MBTD1: variants seen among roughly 807,000 people sequenced by gnomAD.
The protein encoded by MBTD1 is mbt domain containing 1, also known as MBT domain-containing protein 1.
Under a neutral mutation model 87.8 loss-of-function variants are expected in MBTD1, and 24 were observed. The observed-to-expected ratio is 0.27, with a 90% CI of 0.20 to 0.38. The LOEUF (loss-of-function observed/expected upper bound fraction) is 0.38, where lower values mean the gene tolerates loss of function less well. Ranked by LOEUF, MBTD1 falls within the 10% of genes least tolerant of loss-of-function variation. MBTD1 has a pLI of 1.00. For missense variants in MBTD1, 436 were observed against 760.2 expected, an observed-to-expected ratio of 0.57 and a Z score of 5.02; for synonymous variants, 237 against 248.6, an observed-to-expected ratio of 0.95 and a Z score of 0.44.
intron 16 of MBTD1, among the ~76,000 whole-genome samples, chr17:51,190,461 G>A (rs2050740077): frequency 1.3e-5 from 2 of 151,866 alleles, no homozygotes; most frequent in South Asian, 4.2e-4. Context: ...GATCACACCT[G>A]TAATCCCAGC....
chr17:51,247,539 C>CT (rs1347194378), intron 2 of MBTD1, among the ~76,000 whole-genome samples: 3 of 151,632 alleles, frequency 2.0e-5, no homozygotes, highest in Non-Finnish European at 4.4e-5. Flanking sequence ...CTCAACACCC[C>CT]TTGGGCTCAA....
intron 16 of MBTD1, among the ~76,000 whole-genome samples, chr17:51,187,365 G>A (rs1330448015): frequency 6.7e-6 from 1 of 148,310 alleles, no homozygotes; most frequent in Non-Finnish European, 1.5e-5. Context: ...TTGCACCACA[G>A]TGCTCCAGGC....
chr17:51,223,883 T>C (rs1013219351), intron 3 of MBTD1, among the ~76,000 whole-genome samples: 1 of 152,146 alleles, frequency 6.6e-6, no homozygotes, highest in African/African-American at 2.4e-5. Context: ...AGAAAAAGGT[T>C]ATATAGAGAG....
chr17:51,193,234 A>C (rs933279131), intron 14 of MBTD1, among the ~76,000 whole-genome samples, 194 bp downstream of exon 14: 1 of 152,140 alleles, frequency 6.6e-6, no homozygotes, highest in African/African-American at 2.4e-5. Flanking sequence ...TCAGATTAAA[A>C]ACGAAACATA....
At chr17:51,260,898 C>T (rs1456909767), upstream of MBTD1, 3 of 1,595,374 alleles carry the variant, frequency 1.9e-6, no homozygotes, top group Admixed American at 1.7e-5. Context: ...GACGAGGACG[C>T]GTTGCTGCGG....
chr17:51,203,093 C>T, intron 9 of MBTD1, 47 bp downstream of exon 9: 1 of 1,441,036 alleles, frequency 6.9e-7, no homozygotes, highest in African/African-American at 1.4e-5. Context: ...TCTCTGTTAC[C>T]CTTGTTTTTT....
chr17:51,198,147 CAATCACCATA>C lies in MBTD1; in HGVS notation c.1225-2796_1225-2787del, dbSNP rs140339194. On this transcript the variant is annotated intron_variant, in intron 12 of 16. Transcript: ENST00000586178. ...CTCCTCTTACTCCTTTAGAGGTTAT[CAATCACCATA>C]TTCCACAACTCCACCTCAACTTGCC... is the stretch of plus-strand genomic sequence containing the variant. Among the ~76,000 whole-genome samples, 1,206 of 152,294 alleles carry C rather than the reference CAATCACCATA, an allele frequency of 7.9e-3. 17 individuals carry two copies. The highest frequency in any genetic ancestry group is 0.028 in the African/African-American group (1,146 of 41,552).
At chr17:51,192,479 T>C in intron 15 of MBTD1, 199 bp from the exon 16 acceptor site, 1 of 630,382 alleles carries the variant, frequency 1.6e-6, no homozygotes, top group East Asian at 2.8e-5. Flanking sequence ...CTCAAAAGCA[T>C]TTATTACCTA....
At chr17:51,217,754 G>A (rs1285900859) in intron 5 of MBTD1, among the ~76,000 whole-genome samples, 2 of 152,116 alleles carry the variant, frequency 1.3e-5, no homozygotes, top group Non-Finnish European at 2.9e-5. Flanking sequence ...GACTACAGGT[G>A]CATGCCACCA....
intron 2 of MBTD1, among the ~76,000 whole-genome samples, chr17:51,240,885 A>G (rs1426690537): frequency 8.5e-5 from 13 of 152,082 alleles, no homozygotes; most frequent in Non-Finnish European, 1.8e-4. Flanking sequence ...TGCCCTCAGG[A>G]TTATACTTAG....
intron 7 of MBTD1, among the ~76,000 whole-genome samples, chr17:51,206,651 C>T (rs1208698753): frequency 6.6e-6 from 1 of 152,036 alleles, no homozygotes; most frequent in Non-Finnish European, 1.5e-5. Context: ...TTATGTATTG[C>T]TAAGGGTGCT....
At chr17:51,182,652 A>C (rs2050368758) in intron 16 of MBTD1, among the ~76,000 whole-genome samples, 1 of 152,136 alleles carries the variant, frequency 6.6e-6, no homozygotes, top group African/African-American at 2.4e-5. Context: ...CAATACTCAC[A>C]CAGGTAACCA....
At chr17:51,201,883 T>C (rs372134829) in intron 11 of MBTD1, 139 bp downstream of exon 11, 41 of 707,546 alleles carry the variant, frequency 5.8e-5, no homozygotes, top group African/African-American at 5.4e-4. Context: ...AATAAAGAGT[T>C]GTGACACCTA....
intron 16 of MBTD1, chr17:51,183,675 T>TA (rs1442143506): frequency 1.3e-5 from 2 of 152,200 alleles, no homozygotes; most frequent in Admixed American, 6.5e-5. Context: ...TTCCTTTCAT[T>TA]AAAAAATTAC....
chr17:51,226,935 C>T (rs2053252969), intron 2 of MBTD1, among the ~76,000 whole-genome samples: 1 of 151,632 alleles, frequency 6.6e-6, no homozygotes, highest in African/African-American at 2.4e-5. Context: ...CCAGCCAACA[C>T]ACAGACGTTT....
chr17:51,255,278 C>T (rs1362412600), intron 2 of MBTD1, among the ~76,000 whole-genome samples: 1 of 150,456 alleles, frequency 6.6e-6, no homozygotes, highest in Non-Finnish European at 1.5e-5. Flanking sequence ...AAGACTCCAT[C>T]TCAAAAAAAA....
chr17:51,234,773 A>G lies in MBTD1; in HGVS notation c.-48-9564T>C, dbSNP rs541550833. On this transcript the variant is annotated intron_variant, in intron 2 of 16. Coordinates refer to ENST00000586178, the MANE Select transcript of MBTD1 (RefSeq NM_017643.3). ...CAATGGTGCAATCTCGGCTCACCGC[A>G]ACCTCCGCCTCCCAGGTTCAAGCAA... Among the ~76,000 whole-genome samples the G allele has an allele frequency of 6.6e-5, 10 of 152,286 alleles. No individual in the cohort carries two copies. In the South Asian group the frequency reaches 2.1e-3, roughly 32 times the overall value.
In MBTD1 at chr17:51,202,846, C is replaced by G; in HGVS notation, c.918G>C (p.Val306=). The part of the protein sequence containing the change: ...KRHLCRTRVA[V]VESVIGGRLR... The stretch of plus-strand genomic sequence containing the variant: ...ATCTTCCTCCAATTACACTTTCCAC[C>G]ACTGCTACTCGTGTTCGACACAAAT... Residue 306 remains valine, a synonymous_variant, in exon 10 of 17, where the codon GTG becomes GTC. Coordinates refer to ENST00000586178, the MANE Select transcript of MBTD1 (RefSeq NM_017643.3). 1 of 1,614,122 alleles carries G rather than the reference C, an allele frequency of 6.2e-7. No individual in the cohort carries two copies. Among genetic ancestry groups the G allele is most frequent in the Non-Finnish European group, 8.5e-7 (1 of 1,180,024 alleles).
At chr17:51,205,447 G>A (rs1231299203) in intron 7 of MBTD1, among the ~76,000 whole-genome samples, 5 of 152,140 alleles carry the variant, frequency 3.3e-5, no homozygotes, top group Admixed American at 1.3e-4. Context: ...TAAACACCCA[G>A]GGCAAAAATA....
Sources: allele counts gnomAD v4.1 joint callset (sites outside exome capture counted in the v4.1 genomes callset), GRCh38; gene constraint gnomAD v4.1.1; transcripts MANE v1.5; gene names NCBI Gene and HGNC (gene_info 2026-07-23, HGNC 2026-07-21).